Variants in CDH18 observed in about 807,000 individuals in gnomAD.
The protein encoded by CDH18 is cadherin 18.
CDH18 carries 31 observed loss-of-function variants against 67.9 expected under a neutral mutation model. The observed-to-expected ratio is 0.46, with a 90% confidence interval of 0.34 to 0.62. The LOEUF is 0.62. CDH18 is among the 20% of genes least tolerant of loss of function. CDH18 has a pLI of 0.01. For missense variants in CDH18, 890 were observed against 975.5 expected (o/e 0.91, Z 1.17); for synonymous variants, 362 against 347.2 (o/e 1.04, Z -0.48).
chr5:19,792,177 T>TC (rs1295420422), intron 3 of CDH18, among the ~76,000 whole-genome samples: 1 of 151,936 alleles, frequency 6.6e-6, no homozygotes, highest in Non-Finnish European at 1.5e-5. Flanking sequence ...GTAAAAAAGA[T>TC]CCCCCTCCCC....
chr5:20,095,596 G>GA (rs372447959), intron 2 of CDH18, among the ~76,000 whole-genome samples: 90 of 10,976 alleles, frequency 8.2e-3, no homozygotes, highest in Admixed American at 0.026. Context: ...AAGGAAGAAA[G>GA]AAGAAAGAAA....
intron 2 of CDH18, among the ~76,000 whole-genome samples, chr5:20,041,265 C>T (rs555023866): frequency 1.3e-5 from 2 of 152,220 alleles, no homozygotes; most frequent in African/African-American, 4.8e-5. Context: ...ATCATGGCAT[C>T]GGGACATCAA....
At chr5:20,458,022 G>A (rs1283144045) in intron 1 of CDH18, among the ~76,000 whole-genome samples, 1 of 152,144 alleles carries the variant, frequency 6.6e-6, no homozygotes, top group African/African-American at 2.4e-5. Context: ...GAGGACATGT[G>A]GAAAAGAATC....
rs539732543 is a variant in CDH18, at chr5:20,335,345, C to G, written c.-579-79840G>C. ...CCTTCAGTTATTCACTTCAGTTATTCACTGTTATTTCCTTCAGACTTTTTC... is the reference window on the plus strand; with the variant it reads ...CCTTCAGTTATTCACTTCAGTTATTGACTGTTATTTCCTTCAGACTTTTTC... On this transcript the variant is annotated intron_variant, in intron 1 of 14. Coordinates refer to the CDH18 transcript ENST00000507958. Among the ~76,000 whole-genome samples the G allele has an allele frequency of 6.6e-5, 10 of 152,226 alleles. No individual in the cohort carries two copies. The South Asian group carries it at 2.1e-3, about 32-fold the overall frequency.
intron 2 of CDH18, among the ~76,000 whole-genome samples, chr5:20,001,493 T>G (rs528458066): frequency 5.3e-5 from 8 of 152,202 alleles, no homozygotes; most frequent in African/African-American, 1.9e-4. Flanking sequence ...ATCAACCTCA[T>G]AAAGAACAGA....
intron 1 of CDH18, among the ~76,000 whole-genome samples, chr5:20,566,618 G>A (rs60507742): frequency 0.013 from 1,903 of 144,588 alleles, 39 homozygotes; most frequent in African/African-American, 0.046. Flanking sequence ...TTCGTGATCC[G>A]CCCACCTAGG....
At chr5:19,545,932 T>C (rs1214957160) in intron 8 of CDH18, among the ~76,000 whole-genome samples, 3 of 152,046 alleles carry the variant, frequency 2.0e-5, no homozygotes, top group African/African-American at 4.8e-5. Flanking sequence ...AGAAAAGAAA[T>C]AAAAGATTGA....
chr5:20,344,323 C>G, intron 1 of CDH18, among the ~76,000 whole-genome samples: 1 of 152,096 alleles, frequency 6.6e-6, no homozygotes, highest in East Asian at 1.9e-4. Context: ...TCCCCTGGAA[C>G]CCAAAGAATG....
intron 2 of CDH18, among the ~76,000 whole-genome samples, chr5:19,963,925 C>A (rs1427593739): frequency 6.6e-6 from 1 of 151,898 alleles, no homozygotes; most frequent in African/African-American, 2.4e-5. Context: ...CTTTTAAAAC[C>A]TTCAGATCTC....
chr5:20,471,924 A>ACC, intron 1 of CDH18, among the ~76,000 whole-genome samples: 2 of 678 alleles, frequency 2.9e-3, no homozygotes, highest in Non-Finnish European at 3.5e-3. Flanking sequence ...CTCCATTCTC[A>ACC]TATCTCAGGC....
chr5:20,155,235 A>C (rs1166708229), intron 2 of CDH18, among the ~76,000 whole-genome samples: 1 of 152,182 alleles, frequency 6.6e-6, no homozygotes, highest in African/African-American at 2.4e-5. Flanking sequence ...ATGTTTGCAT[A>C]ATAAAAGTTA....
chr5:20,340,065 T>TC (rs1740128332), intron 1 of CDH18, among the ~76,000 whole-genome samples: 1 of 152,134 alleles, frequency 6.6e-6, no homozygotes, highest in African/African-American at 2.4e-5. Context: ...ATTAGAGGGC[T>TC]CACAAAGAAC....
intron 2 of CDH18, among the ~76,000 whole-genome samples, chr5:20,143,686 C>T (rs1189998224): frequency 6.6e-6 from 1 of 152,126 alleles, no homozygotes. Flanking sequence ...GATTTCTAAG[C>T]AAAGTGTTGA....
chr5:20,216,334 A>G (rs1740767496), intron 2 of CDH18, among the ~76,000 whole-genome samples: 1 of 151,994 alleles, frequency 6.6e-6, no homozygotes, highest in Admixed American at 6.6e-5. Flanking sequence ...GTATAAAACA[A>G]TATCTGTGAA....
intron 1 of CDH18, among the ~76,000 whole-genome samples, chr5:20,359,402 G>T (rs1741906573): frequency 6.6e-6 from 1 of 152,118 alleles, no homozygotes; most frequent in Admixed American, 6.6e-5. Context: ...GGAATATAAA[G>T]CATTCAGAAG....
intron 1 of CDH18, among the ~76,000 whole-genome samples, chr5:20,426,600 C>CGCCAG (rs758509144): frequency 7.3e-5 from 11 of 150,964 alleles, no homozygotes; most frequent in Non-Finnish European, 1.2e-4. Flanking sequence ...ATCAAAGTCA[C>CGCCAG]GCCAGTTTTA....
intron 1 of CDH18, among the ~76,000 whole-genome samples, chr5:20,346,507 G>T (rs914923241): frequency 8.5e-5 from 13 of 152,100 alleles, no homozygotes; most frequent in Admixed American, 7.9e-4. Context: ...ACAGAAGTGG[G>T]TGAACTTGAA....
chr5:19,947,395 A>T (rs949204287), intron 2 of CDH18, among the ~76,000 whole-genome samples: 1 of 151,948 alleles, frequency 6.6e-6, no homozygotes. Flanking sequence ...CAAAATCTTC[A>T]GGATATATAT....
intron 1 of CDH18, among the ~76,000 whole-genome samples, chr5:20,335,611 A>G (rs772948208): frequency 2.2e-4 from 33 of 152,172 alleles, no homozygotes; most frequent in African/African-American, 5.1e-4. Context: ...TCTTATCAGC[A>G]TCTGAAAATA....
Sources: allele counts gnomAD v4.1 joint callset (sites outside exome capture counted in the v4.1 genomes callset), GRCh38; gene constraint gnomAD v4.1.1; transcripts MANE v1.5; gene names NCBI Gene and HGNC (gene_info 2026-07-23, HGNC 2026-07-21).